Variants in JPH2 observed in about 807,000 individuals in gnomAD.
JPH2 encodes the protein junctophilin-2.
A neutral mutation model predicts 55.9 loss-of-function variants in JPH2; 38 were observed. The ratio of observed to expected loss-of-function variants is 0.68; its 90% CI spans 0.52 to 0.89. The LOEUF (loss-of-function observed/expected upper bound fraction) is 0.89. Ranked by LOEUF, JPH2 falls within the 40% of genes least tolerant of loss-of-function variation. The pLI is 0.00. For synonymous variants in JPH2, 480 were observed against 472.4 expected, an observed-to-expected ratio of 1.02 and a Z score of -0.21; for missense variants, 964 against 1,037.6, an observed-to-expected ratio of 0.93 and a Z score of 0.97.
At chr20:44,121,844 T>A (rs966086855) in intron 2 of JPH2, among the ~76,000 whole-genome samples, 15 of 151,098 alleles carry the variant, frequency 9.9e-5, no homozygotes, top group African/African-American at 3.4e-4. Flanking sequence ...AAAAAAAAAA[T>A]TAGCCAGGTG....
chr20:44,132,159 T>C (rs540578429), intron 2 of JPH2, among the ~76,000 whole-genome samples: 2 of 152,282 alleles, frequency 1.3e-5, no homozygotes, highest in South Asian at 2.1e-4. Context: ...TTGATCTTTG[T>C]GTATGACAAA....
intron 2 of JPH2, among the ~76,000 whole-genome samples, chr20:44,149,744 C>T (rs1031255056): frequency 2.0e-4 from 30 of 152,064 alleles, no homozygotes; most frequent in African/African-American, 7.2e-4. Context: ...TTTGGGAGGC[C>T]GAAGCAGTGG....
At chr20:44,150,347 G>A (rs896600813) in intron 2 of JPH2, among the ~76,000 whole-genome samples, 2 of 152,206 alleles carry the variant, frequency 1.3e-5, no homozygotes, top group Non-Finnish European at 2.9e-5. Context: ...GTATAAAATT[G>A]TACACTGAAA....
Position 44,114,771 on chromosome 20 carries a change from G to T in JPH2, c.*14+11C>A. ...TGCCCCCCAACCCCTCCTCCAGCCAGCTGGCTGCACCTGGTAAGCGACGGT... is the reference window on the plus strand; with the variant it reads ...TGCCCCCCAACCCCTCCTCCAGCCATCTGGCTGCACCTGGTAAGCGACGGT... On this transcript the variant is annotated intron_variant, in intron 5 of 5. Coordinates refer to ENST00000372980, the MANE Select transcript of JPH2 (RefSeq NM_020433.5). 1.3e-6 allele frequency: 2 copies of T among 1,581,254 alleles called. No homozygotes were observed. The highest frequency in any genetic ancestry group is 1.7e-6 in the Non-Finnish European group (2 of 1,161,866).
rs1485564946 is a variant in JPH2, at chr20:44,146,276, G to A, written c.1169+13342C>T. ...TCTCGATCTCCTGACCTTGTGATCTGCCCTCCTCAGCCTCCCAGAGTACTG... is the reference window on the plus strand; with the variant it reads ...TCTCGATCTCCTGACCTTGTGATCTACCCTCCTCAGCCTCCCAGAGTACTG... On this transcript the variant is annotated intron_variant, in intron 2 of 5. Transcript: ENST00000372980. Among the ~76,000 whole-genome samples the A allele has an allele frequency of 2.0e-5, 3 of 151,880 alleles. No individual in the cohort carries two copies. In the East Asian group the frequency reaches 5.8e-4, roughly 29 times the overall value.
intron 2 of JPH2, among the ~76,000 whole-genome samples, chr20:44,148,797 C>T (rs893457236): frequency 6.6e-6 from 1 of 152,136 alleles, no homozygotes; most frequent in Non-Finnish European, 1.5e-5. Flanking sequence ...GGCGTGGTGG[C>T]TCACGCCTGT....
intron 2 of JPH2, among the ~76,000 whole-genome samples, chr20:44,145,634 A>G (rs546987152): frequency 1.3e-5 from 2 of 151,676 alleles, no homozygotes; most frequent in East Asian, 3.9e-4. Context: ...AGCTGGCAAC[A>G]CTCTGGAGCT....
In JPH2 at chr20:44,116,301, G is replaced by T. The variant is rs1293380239; in HGVS notation, c.1374C>A (p.Gly458=). ...GGGGCGGCTGTGGGAGGCCCGCTGC[G>T]CCGGCGCCCCGGTCGGGGGGCTCCA... ...SLLEPPDRGA[G]AAGLPQPPRE... Residue 458 remains glycine (G), a synonymous_variant, in exon 4 of 6, where the codon GGC becomes GGA. Transcript: ENST00000372980. The T allele has an allele frequency of 1.4e-5, 21 of 1,540,562 alleles. No homozygotes were observed. The highest frequency in any genetic ancestry group is 1.7e-5 in the Non-Finnish European group (20 of 1,145,266).
chr20:44,126,205 A>AGGAAG (rs1600835435), intron 2 of JPH2, among the ~76,000 whole-genome samples: 1 of 94,336 alleles, frequency 1.1e-5, no homozygotes, highest in African/African-American at 4.0e-5. Context: ...GAAGGAAGGA[A>AGGAAG]GAAGGGGGGG....
At chr20:44,139,060 A>G (rs1347585325) in intron 2 of JPH2, among the ~76,000 whole-genome samples, 1 of 152,112 alleles carries the variant, frequency 6.6e-6, no homozygotes, top group Non-Finnish European at 1.5e-5. Context: ...AGCTAAAGTC[A>G]TCTCCCAAAG....
At chr20:44,114,607 TGTGC>T (rs1268826376) in intron 5 of JPH2, among the ~76,000 whole-genome samples, 171 bp downstream of exon 5, 4 of 121,942 alleles carry the variant, frequency 3.3e-5, no homozygotes, top group East Asian at 2.3e-4. Context: ...TGTGTGTGTG[TGTGC>T]GCTGGTATCA....
intron 2 of JPH2, among the ~76,000 whole-genome samples, chr20:44,150,632 G>A (rs1176372521): frequency 6.6e-6 from 1 of 152,176 alleles, no homozygotes; most frequent in Non-Finnish European, 1.5e-5. Flanking sequence ...TCAAAACTTA[G>A]TACAAAGCTA....
Position 44,115,943 on chromosome 20 carries a change from G to A in JPH2, c.1732C>T (p.Pro578Ser), listed in dbSNP as rs746846724. The A allele has an allele frequency of 3.2e-6, 5 of 1,568,558 alleles. No individual in the cohort carries two copies. Among genetic ancestry groups the A allele is most frequent in the South Asian group, 2.3e-5 (2 of 88,062 alleles). The stretch of plus-strand genomic sequence containing the variant: ...TCGGGCTGGTCCTCAAAGGGTGGGG[G>A]CTCGGGCGGCGTGGTGCGCACAGCA... ...SYAVRTTPPE[P>S]PPFEDQPEPE... Residue 578 changes from proline (P) to serine (S), a missense_variant, in exon 4 of 6, where the codon CCC becomes TCC. Pro to Ser is a moderately conservative substitution (Grantham distance 74). Coordinates refer to ENST00000372980, the MANE Select transcript of JPH2 (RefSeq NM_020433.5).
chr20:44,164,254 A>G (rs2072638102), intron 1 of JPH2, among the ~76,000 whole-genome samples: 1 of 152,234 alleles, frequency 6.6e-6, no homozygotes, highest in African/African-American at 2.4e-5. Flanking sequence ...GCATTTCCCA[A>G]GCTCATTCAC....
At position 44,177,416 on chromosome 20, in the gene JPH2, C is replaced by T. The variant is rs146817335; in HGVS notation, c.379+8911G>A. 154 of 987,900 alleles carry T rather than the reference C, an allele frequency of 1.6e-4. 1 individual carries two copies. The Middle Eastern group carries it at 3.6e-3, about 23-fold the overall frequency. The allele number at this position is 987,900 out of a possible 1,614,324, so 61.2% of individuals were successfully genotyped here. A position where few individuals can be genotyped will look rare whatever the true frequency, so the allele number is the denominator to read the frequency against. The stretch of plus-strand genomic sequence containing the variant: ...TCGATGAATCCCAGAAGCCTGGCCT[C>T]GGACAGGGGCACGTCTGCAGAGATT... On this transcript the variant is annotated intron_variant, in intron 1 of 5. Coordinates refer to ENST00000372980, the MANE Select transcript of JPH2 (RefSeq NM_020433.5).
chr20:44,177,095 A>G (rs1195802318), intron 1 of JPH2: 22 of 985,442 alleles, frequency 2.2e-5, no homozygotes, highest in Non-Finnish European at 2.5e-5. Context: ...GGCAACTCTC[A>G]TCAGTTCCCT....
chr20:44,173,212 C>G (rs1384354525), intron 1 of JPH2, among the ~76,000 whole-genome samples: 1 of 152,178 alleles, frequency 6.6e-6, no homozygotes, highest in Non-Finnish European at 1.5e-5. Context: ...GGTTACAGAA[C>G]TTGTAACCTC....
chr20:44,165,878 C>T (rs2072652631), intron 1 of JPH2, among the ~76,000 whole-genome samples: 1 of 152,190 alleles, frequency 6.6e-6, no homozygotes, highest in Non-Finnish European at 1.5e-5. Context: ...ACCCTACTTA[C>T]GATTCAACCC....
intron 2 of JPH2, among the ~76,000 whole-genome samples, chr20:44,148,954 C>G (rs961911764): frequency 6.6e-6 from 1 of 151,954 alleles, no homozygotes; most frequent in Non-Finnish European, 1.5e-5. Flanking sequence ...ATAGTCCCAG[C>G]TACTCGGGAG....
Sources: allele counts gnomAD v4.1 joint callset (sites outside exome capture counted in the v4.1 genomes callset), GRCh38; gene constraint gnomAD v4.1.1; transcripts MANE v1.5; gene names NCBI Gene and HGNC (gene_info 2026-07-23, HGNC 2026-07-21).